NDST4: variants seen among roughly 807,000 people sequenced by gnomAD.
NDST4 encodes the protein N-heparan sulfate sulfotransferase 4.
Under a neutral mutation model 100.8 loss-of-function variants are expected in NDST4, and 63 were observed. The observed-to-expected ratio is 0.62, with a 90% confidence interval of 0.51 to 0.77. The LOEUF is 0.77. Ranked by LOEUF, NDST4 falls within the 30% of genes least tolerant of loss-of-function variation. The pLI, the probability that NDST4 is intolerant of heterozygous loss-of-function variation, is 0.00. For synonymous variants in NDST4, 377 were observed against 361.8 expected, an observed-to-expected ratio of 1.04 and a Z score of -0.48; for missense variants, 943 against 1,018.4, an observed-to-expected ratio of 0.93 and a Z score of 1.01.
rs1415357804 is a variant in NDST4 at position 115,057,698 on chromosome 4, GCACGCA to G, written c.978+18355_978+18360del. Among the ~76,000 whole-genome samples, 340 of 128,352 alleles carry G rather than the reference GCACGCA, an allele frequency of 2.6e-3. 3 individuals are homozygous for G. The highest frequency in any genetic ancestry group is 0.023 in the Admixed American group (295 of 12,972). The allele number at this position is 128,352 out of a possible 152,430, so 84.2% of individuals were successfully genotyped here. A position where few individuals can be genotyped will look rare whatever the true frequency, so the allele number is the denominator to read the frequency against. ...AAATTTTCCACTTAGCTATGCGTGCGCACGCACACACACACACACACACACACACAC... is the reference window on the plus strand; with the variant it reads ...AAATTTTCCACTTAGCTATGCGTGCGCACACACACACACACACACACACAC... On this transcript the variant is annotated intron_variant, in intron 2 of 13. Coordinates refer to ENST00000264363, the MANE Select transcript of NDST4 (RefSeq NM_022569.3).
intron 2 of NDST4, among the ~76,000 whole-genome samples, chr4:115,074,755 C>T (rs1729146002): frequency 1.3e-5 from 2 of 152,218 alleles, no homozygotes; most frequent in South Asian, 4.1e-4. Context: ...AAAAAATACC[C>T]TGTTATTTTG....
chr4:115,083,576 T>C (rs1291842599), intron 1 of NDST4, among the ~76,000 whole-genome samples: 1 of 152,226 alleles, frequency 6.6e-6, no homozygotes, highest in Non-Finnish European at 1.5e-5. Flanking sequence ...TGTAACCATC[T>C]AAAATGGTTT....
At chr4:114,976,907 T>C (rs1032640790) in intron 3 of NDST4, among the ~76,000 whole-genome samples, 2 of 151,964 alleles carry the variant, frequency 1.3e-5, no homozygotes, top group Non-Finnish European at 2.9e-5. Context: ...CATACTGTGC[T>C]GAGAAACAAG....
At chr4:115,022,301 T>C (rs1727854541) in intron 2 of NDST4, among the ~76,000 whole-genome samples, 1 of 148,054 alleles carries the variant, frequency 6.8e-6, no homozygotes, top group Non-Finnish European at 1.5e-5. Context: ...TATATATATG[T>C]TCCACGTACA....
chr4:115,066,283 T>C (rs1185130975), intron 2 of NDST4, among the ~76,000 whole-genome samples: 1 of 152,208 alleles, frequency 6.6e-6, no homozygotes, highest in Non-Finnish European at 1.5e-5. Context: ...TTATACAATT[T>C]TGGCAATTTT....
intron 2 of NDST4, among the ~76,000 whole-genome samples, chr4:115,072,675 A>G (rs910017775): frequency 6.6e-5 from 10 of 151,964 alleles, no homozygotes; most frequent in Non-Finnish European, 1.2e-4. Context: ...CACACTATAT[A>G]AAAAAACAAC....
At chr4:115,072,205 G>A (rs1028407342) in intron 2 of NDST4, among the ~76,000 whole-genome samples, 13 of 151,892 alleles carry the variant, frequency 8.6e-5, no homozygotes, top group Non-Finnish European at 1.8e-4. Flanking sequence ...ACTTGAAGAA[G>A]GCACCAATAA....
intron 2 of NDST4, among the ~76,000 whole-genome samples, chr4:114,985,142 A>G (rs942043955): frequency 1.3e-5 from 2 of 152,228 alleles, no homozygotes; most frequent in African/African-American, 4.8e-5. Flanking sequence ...ATGGGGAGAA[A>G]GTTTGAACTG....
chr4:114,907,768 A>G (rs893877383), intron 6 of NDST4, among the ~76,000 whole-genome samples: 1 of 151,992 alleles, frequency 6.6e-6, no homozygotes, highest in African/African-American at 2.4e-5. Context: ...TTGTACTTGA[A>G]ATGAGTGTGG....
At chr4:114,920,849 G>A (rs1725272265) in intron 6 of NDST4, among the ~76,000 whole-genome samples, 1 of 152,132 alleles carries the variant, frequency 6.6e-6, no homozygotes, top group Admixed American at 6.5e-5. Context: ...ACTAGTGATA[G>A]GTGATGAAAC....
chr4:114,828,156 C>T lies in NDST4; in HGVS notation c.2500-221G>A, dbSNP rs150557630. On this transcript the variant is annotated intron_variant, in intron 13 of 13. Transcript: ENST00000264363. ...ATAGGACCAAGTATATCCTATATGG[C>T]GTATCTGTCATTACGGCACATATTT... Among the ~76,000 whole-genome samples the T allele has an allele frequency of 2.2e-3, 327 of 151,988 alleles. 1 individual carries two copies. Among genetic ancestry groups the T allele is most frequent in the African/African-American group, 7.3e-3 (303 of 41,438 alleles).
chr4:115,004,821 T>C (rs1727378564), intron 2 of NDST4, among the ~76,000 whole-genome samples: 1 of 152,172 alleles, frequency 6.6e-6, no homozygotes, highest in Admixed American at 6.5e-5. Context: ...AAATTTTTAA[T>C]AGGAGAAAAA....
chr4:114,987,187 C>T (rs951138593), intron 2 of NDST4, among the ~76,000 whole-genome samples: 11 of 151,908 alleles, frequency 7.2e-5, no homozygotes, highest in African/African-American at 9.7e-5. Context: ...TATACATATA[C>T]GACATAAACA....
chr4:115,005,136 T>G (rs1049200441), intron 2 of NDST4, among the ~76,000 whole-genome samples: 2 of 152,238 alleles, frequency 1.3e-5, no homozygotes, highest in African/African-American at 4.8e-5. Context: ...AATTCATCAC[T>G]CTTTCTATTC....
At chr4:114,924,667 A>T (rs543704675) in intron 6 of NDST4, among the ~76,000 whole-genome samples, 85 of 152,224 alleles carry the variant, frequency 5.6e-4, no homozygotes, top group African/African-American at 1.9e-3. Context: ...TAATTTCTAT[A>T]AAAATAAATA....
chr4:115,038,221 A>G (rs1306783468), intron 2 of NDST4, among the ~76,000 whole-genome samples: 1 of 152,176 alleles, frequency 6.6e-6, no homozygotes, highest in African/African-American at 2.4e-5. Flanking sequence ...AAGTCCTATA[A>G]CCTTTCCTGC....
intron 10 of NDST4, among the ~76,000 whole-genome samples, chr4:114,841,727 T>G (rs943221439): frequency 9.9e-5 from 15 of 152,212 alleles, no homozygotes; most frequent in African/African-American, 3.6e-4. Context: ...TTTATCTTGC[T>G]TTGCAATGAG....
chr4:115,005,409 G>T (rs1264196263), intron 2 of NDST4, among the ~76,000 whole-genome samples: 1 of 152,132 alleles, frequency 6.6e-6, no homozygotes, highest in African/African-American at 2.4e-5. Flanking sequence ...GTTTTAAAGA[G>T]AAGGAGATAG....
chr4:114,924,826 C>T (rs1419905905), intron 6 of NDST4, among the ~76,000 whole-genome samples: 2 of 151,978 alleles, frequency 1.3e-5, no homozygotes, highest in African/African-American at 4.8e-5. Flanking sequence ...TTCAAAATAG[C>T]TCAAAGAGAA....
Sources: gnomAD v4.1 joint callset for allele counts (sites outside exome capture counted in the v4.1 genomes callset) on GRCh38, gnomAD v4.1.1 for gene constraint, MANE v1.5 for transcripts, NCBI Gene and HGNC (gene_info 2026-07-23, HGNC 2026-07-21) for gene names.